Variants in TMOD3 observed in about 807,000 individuals in gnomAD.
The protein encoded by TMOD3 is tropomodulin 3.
In TMOD3, 20 loss-of-function variants were observed where a neutral mutation model predicts 39.2. The observed-to-expected ratio is 0.51, with a 90% confidence interval of 0.36 to 0.74. The LOEUF is 0.74. Among genes scored for constraint, TMOD3 ranks in the 30% least tolerant of loss-of-function variants. The pLI, the probability that TMOD3 is intolerant of heterozygous loss-of-function variation, is 0.00. For missense variants in TMOD3, 381 were observed against 412.8 expected, an observed-to-expected ratio of 0.92 and a Z score of 0.67; for synonymous variants, 143 against 145.8, an observed-to-expected ratio of 0.98 and a Z score of 0.14.
At position 51,869,364 on chromosome 15, in the gene TMOD3, G is replaced by GA. The variant is rs759399045; in HGVS notation, c.282dup (p.Gly95ArgfsTer22). On this transcript the variant is annotated frameshift_variant, in exon 3 of 10. Transcript: ENST00000308580. LOFTEE classifies it high-confidence loss of function. ...GGAAGACTATGTGCCCTACACTGGA[G>GA]AAAAAAAAGGTAAGCCCCAGAATTT... 6.2e-6 allele frequency: 10 copies of GA among 1,602,170 alleles called. No homozygotes were observed. The Admixed American group carries it at 7.1e-5, about 11-fold the overall frequency.
intron 1 of TMOD3, among the ~76,000 whole-genome samples, chr15:51,832,401 T>A (rs1271478687): frequency 1.3e-5 from 2 of 151,632 alleles, no homozygotes; most frequent in Non-Finnish European, 2.9e-5. Flanking sequence ...AAGTCAATAT[T>A]TTTTTCCATT....
intron 2 of TMOD3, among the ~76,000 whole-genome samples, chr15:51,863,568 T>G (rs1474208501): frequency 6.6e-6 from 1 of 151,830 alleles, no homozygotes; most frequent in Non-Finnish European, 1.5e-5. Context: ...AGGTGGATGT[T>G]GTTTGTCTTA....
At chr15:51,879,855 T>TACACACACAC (rs1566861784) in intron 3 of TMOD3, among the ~76,000 whole-genome samples, 13 of 23,164 alleles carry the variant, frequency 5.6e-4, no homozygotes, top group Non-Finnish European at 7.7e-4. Flanking sequence ...CTCTCTGTCT[T>TACACACACAC]TCACACACAC....
chr15:51,835,697 G>T (rs1239497883), intron 1 of TMOD3, among the ~76,000 whole-genome samples: 1 of 152,156 alleles, frequency 6.6e-6, no homozygotes, highest in Non-Finnish European at 1.5e-5. Flanking sequence ...TAGGGAGACA[G>T]TTTGGTTATT....
In TMOD3 at chr15:51,852,265, G is replaced by A. The variant is rs185734487; in HGVS notation, c.-74-10546G>A. ...ATCAAAAAAATTCTCTGATCTGGTG[G>A]GTTGTGGAGATTGAGCACCCAGGGA... is the stretch of plus-strand genomic sequence containing the variant. On this transcript the variant is annotated intron_variant, in intron 1 of 9. Transcript: ENST00000308580. Among the ~76,000 whole-genome samples, 8 of 152,214 alleles carry A rather than the reference G, an allele frequency of 5.3e-5. No homozygotes were observed. In the South Asian group the frequency reaches 6.2e-4, roughly 12 times the overall value.
chr15:51,838,046 G>A (rs944056848), intron 1 of TMOD3, among the ~76,000 whole-genome samples: 5 of 152,134 alleles, frequency 3.3e-5, no homozygotes, highest in African/African-American at 1.2e-4. Context: ...GTGATGTAAG[G>A]GCTGCAGGCG....
chr15:51,862,014 G>A (rs1444635536), intron 1 of TMOD3, among the ~76,000 whole-genome samples: 2 of 152,118 alleles, frequency 1.3e-5, no homozygotes, highest in African/African-American at 2.4e-5. Flanking sequence ...CCTTGGTTTC[G>A]CCTTTCCTAT....
In TMOD3 at chr15:51,909,583, C is replaced by T. The variant is rs1255528653; in HGVS notation, c.*773C>T. 6.6e-6 allele frequency: 1 copy of T among 152,472 alleles called. No individual in the cohort carries two copies. Among genetic ancestry groups the T allele is most frequent in the African/African-American group, 2.4e-5 (1 of 41,426 alleles). 9.4% of individuals were successfully genotyped at this position (152,472 alleles called of 1,614,324 possible). On this transcript the variant is annotated 3_prime_UTR_variant, in exon 10 of 10. Coordinates refer to ENST00000308580, the MANE Select transcript of TMOD3 (RefSeq NM_014547.5). ...AATAGTAAAAAATAAAAGCTGTTTT[C>T]ACCACCTCCCTCCCCACCCCCCAAA... is the stretch of plus-strand genomic sequence containing the variant.
At chr15:51,892,017 C>A (rs1179576199) in intron 5 of TMOD3, among the ~76,000 whole-genome samples, 3 of 152,162 alleles carry the variant, frequency 2.0e-5, no homozygotes, top group African/African-American at 7.2e-5. Flanking sequence ...GATTTTTCAC[C>A]TGACCTCGGG....
intron 2 of TMOD3, among the ~76,000 whole-genome samples, chr15:51,868,523 T>C (rs2056458805): frequency 1.3e-5 from 2 of 152,200 alleles, no homozygotes; most frequent in Non-Finnish European, 1.5e-5. Flanking sequence ...ATATGTGTGC[T>C]CTATATGTCC....
chr15:51,869,169 C>T (rs770581552), intron 2 of TMOD3, 48 bp from the exon 3 acceptor site: 1 of 1,592,838 alleles, frequency 6.3e-7, no homozygotes, highest in Non-Finnish European at 8.6e-7. Context: ...AAGCATATAG[C>T]ATTAGCATTC....
chr15:51,850,887 C>G (rs1387174220), intron 1 of TMOD3, among the ~76,000 whole-genome samples: 3 of 152,216 alleles, frequency 2.0e-5, no homozygotes, highest in Non-Finnish European at 2.9e-5. Flanking sequence ...GCACGCGCCA[C>G]CACGCTCAGT....
At chr15:51,859,694 T>G in intron 1 of TMOD3, 1 of 484,892 alleles carries the variant, frequency 2.1e-6, no homozygotes, top group South Asian at 1.7e-5. Context: ...GTGCACAGAG[T>G]CTTCCTCAAA....
chr15:51,857,244 A>C (rs2056392454), intron 1 of TMOD3, among the ~76,000 whole-genome samples: 1 of 152,236 alleles, frequency 6.6e-6, no homozygotes, highest in Admixed American at 6.5e-5. Context: ...GAGAATGATT[A>C]ATTCAAAATC....
chr15:51,888,323 T>C (rs1566864341), intron 4 of TMOD3, among the ~76,000 whole-genome samples: 1 of 152,134 alleles, frequency 6.6e-6, no homozygotes, highest in East Asian at 1.9e-4. Context: ...ACTAATAAAT[T>C]TGAATGTAGC....
intron 1 of TMOD3, among the ~76,000 whole-genome samples, chr15:51,857,810 A>G (rs1416612650): frequency 1.3e-5 from 2 of 152,158 alleles, no homozygotes; most frequent in Non-Finnish European, 2.9e-5. Context: ...ATATTTATAT[A>G]CTTTTATCAG....
rs2056608749 is a variant in TMOD3, at chr15:51,894,024, T to C, written c.627+79T>C. The C allele has an allele frequency of 3.9e-6, 5 of 1,284,910 alleles. No homozygotes were observed. The Admixed American group carries it at 1.1e-4, about 27-fold the overall frequency. 79.6% of individuals were successfully genotyped at this position (1,284,910 alleles called of 1,614,324 possible). A position where few individuals can be genotyped will look rare whatever the true frequency, so the allele number is the denominator to read the frequency against. ...GATGAGAGCTGGGCAGTTGATAAAA[T>C]AGTCTAATTCTTTCTACTTTAACGT... On this transcript the variant is annotated intron_variant, in intron 6 of 9. Transcript: ENST00000308580.
intron 1 of TMOD3, among the ~76,000 whole-genome samples, chr15:51,843,069 G>A (rs955718157): frequency 2.0e-5 from 3 of 152,158 alleles, no homozygotes; most frequent in Admixed American, 1.3e-4. Context: ...TCAGTGGTGA[G>A]CAATGGGGCT....
At chr15:51,904,555 ACT>A (rs1293618100) in intron 9 of TMOD3, among the ~76,000 whole-genome samples, 1 of 152,212 alleles carries the variant, frequency 6.6e-6, no homozygotes, top group Non-Finnish European at 1.5e-5. Flanking sequence ...CAGCTCTGTT[ACT>A]TACCTCCCTC....
Sources: gnomAD v4.1 joint callset for allele counts (sites outside exome capture counted in the v4.1 genomes callset) on GRCh38, gnomAD v4.1.1 for gene constraint, MANE v1.5 for transcripts, NCBI Gene and HGNC (gene_info 2026-07-23, HGNC 2026-07-21) for gene names.